DPYD: variants seen among roughly 807,000 people sequenced by gnomAD.
DPYD encodes dihydropyrimidine dehydrogenase.
Under a neutral mutation model 116.2 loss-of-function variants are expected in DPYD, and 109 were observed. That is an observed-to-expected ratio of 0.94 (90% CI 0.80 to 1.10). The LOEUF (loss-of-function observed/expected upper bound fraction) is 1.10. Ranked by LOEUF, DPYD falls within the 50% of genes least tolerant of loss-of-function variation. The pLI, the probability that DPYD is intolerant of heterozygous loss-of-function variation, is 0.00. For missense variants in DPYD, 1,302 were observed against 1,254.5 expected (o/e 1.04, Z -0.57); for synonymous variants, 440 against 432.0 (o/e 1.02, Z -0.23).
At chr1:97,698,299 T>C (rs769105393) in intron 6 of DPYD, among the ~76,000 whole-genome samples, 2 of 151,912 alleles carry the variant, frequency 1.3e-5, no homozygotes, top group African/African-American at 2.4e-5. Flanking sequence ...ACATCAATAT[T>C]TATGTTAATA....
At chr1:97,773,418 T>C (rs1666240628) in intron 3 of DPYD, among the ~76,000 whole-genome samples, 1 of 152,116 alleles carries the variant, frequency 6.6e-6, no homozygotes, top group Non-Finnish European at 1.5e-5. Flanking sequence ...GAGAAGGGCA[T>C]TGTCCCCGGT....
chr1:97,620,392 A>G (rs2100769288), intron 8 of DPYD, among the ~76,000 whole-genome samples: 1 of 151,998 alleles, frequency 6.6e-6, no homozygotes, highest in South Asian at 2.1e-4. Context: ...ATATTTATTT[A>G]TTTGTAGAGA....
rs998097373 is a variant in DPYD at position 97,549,801 on chromosome 1, C to T, written c.1340-57G>A. The T allele has an allele frequency of 1.5e-5, 22 of 1,446,858 alleles. No homozygotes were observed. The East Asian group carries it at 2.6e-4, about 17-fold the overall frequency. 89.6% of individuals were successfully genotyped at this position (1,446,858 alleles called of 1,614,324 possible). A position where few individuals can be genotyped will look rare whatever the true frequency, so the allele number is the denominator to read the frequency against. ...CACTAGTCAACAGACAATTCCATAA[C>T]AATAATTTTAAAATTAAGAAAAATT... is the stretch of plus-strand genomic sequence containing the variant. On this transcript the variant is annotated intron_variant, in intron 11 of 22. Transcript: ENST00000370192.
intron 12 of DPYD, among the ~76,000 whole-genome samples, chr1:97,541,532 C>T (rs1368235331): frequency 2.0e-5 from 3 of 151,798 alleles, no homozygotes; most frequent in Non-Finnish European, 2.9e-5. Flanking sequence ...ACACATCTGG[C>T]TATTTTATTT....
intron 3 of DPYD, among the ~76,000 whole-genome samples, chr1:97,785,352 T>C (rs1411960617): frequency 6.6e-6 from 1 of 152,198 alleles, no homozygotes; most frequent in Non-Finnish European, 1.5e-5. Context: ...CTTCTATCTG[T>C]GTGTTCTTCA....
intron 2 of DPYD, among the ~76,000 whole-genome samples, chr1:97,851,473 C>T (rs946525228): frequency 6.6e-5 from 10 of 151,768 alleles, no homozygotes; most frequent in African/African-American, 2.4e-4. Context: ...AAAGGTAAAA[C>T]ACATGAATGG....
chr1:97,809,704 G>A (rs1372456844), intron 3 of DPYD, among the ~76,000 whole-genome samples: 1 of 152,156 alleles, frequency 6.6e-6, no homozygotes, highest in Non-Finnish European at 1.5e-5. Context: ...ACAGAATTAA[G>A]TGTCTGAGGT....
chr1:97,187,554 C>T (rs1169089694), intron 20 of DPYD, among the ~76,000 whole-genome samples: 1 of 151,978 alleles, frequency 6.6e-6, no homozygotes, highest in Non-Finnish European at 1.5e-5. Context: ...ATTTCATTTG[C>T]TGTGCAGAAG....
At chr1:97,785,981 C>A (rs1666997010) in intron 3 of DPYD, among the ~76,000 whole-genome samples, 1 of 151,064 alleles carries the variant, frequency 6.6e-6, no homozygotes, top group African/African-American at 2.4e-5. Flanking sequence ...GCTTGAGCCA[C>A]CACGTCCGGC....
intron 2 of DPYD, among the ~76,000 whole-genome samples, chr1:97,838,801 C>A (rs1423622740): frequency 2.6e-5 from 4 of 151,928 alleles, no homozygotes; most frequent in Non-Finnish European, 4.4e-5. Flanking sequence ...GCCGAGATTG[C>A]GCCACTGCAG....
At chr1:97,282,637 T>C (rs1316070315) in intron 18 of DPYD, among the ~76,000 whole-genome samples, 1 of 152,108 alleles carries the variant, frequency 6.6e-6, no homozygotes, top group East Asian at 1.9e-4. Flanking sequence ...CATGTATAAA[T>C]TGCATGTTGC....
chr1:97,731,068 C>T (rs1211429036), intron 4 of DPYD, among the ~76,000 whole-genome samples: 1 of 151,916 alleles, frequency 6.6e-6, no homozygotes, highest in Non-Finnish European at 1.5e-5. Context: ...ATATAAAATG[C>T]TGAAAACTTT....
intron 14 of DPYD, among the ~76,000 whole-genome samples, chr1:97,430,354 A>T (rs1276753993): frequency 6.6e-6 from 1 of 152,206 alleles, no homozygotes; most frequent in African/African-American, 2.4e-5. Flanking sequence ...GGTTTCTCAG[A>T]TTCCGCCTAA....
chr1:97,429,615 C>T (rs1675061620), intron 14 of DPYD, among the ~76,000 whole-genome samples: 1 of 151,916 alleles, frequency 6.6e-6, no homozygotes, highest in Middle Eastern at 3.2e-3. Context: ...TGATTAGTTT[C>T]CACATTTGTA....
intron 12 of DPYD, among the ~76,000 whole-genome samples, chr1:97,532,988 C>A (rs1649745320): frequency 1.3e-5 from 2 of 149,106 alleles, no homozygotes; most frequent in Admixed American, 1.3e-4. Flanking sequence ...TATTTCAGAT[C>A]TTCTTTCTTT....
intron 16 of DPYD, among the ~76,000 whole-genome samples, chr1:97,308,759 C>A (rs375815108): frequency 1.1e-4 from 17 of 151,808 alleles, no homozygotes; most frequent in African/African-American, 3.9e-4. Context: ...CCTTTTGTAA[C>A]AAGCCAGTTT....
intron 3 of DPYD, among the ~76,000 whole-genome samples, chr1:97,827,417 A>T (rs1159569583): frequency 6.6e-6 from 1 of 152,104 alleles, no homozygotes; most frequent in Non-Finnish European, 1.5e-5. Flanking sequence ...TCTGTGGATG[A>T]TGAGTTTTAT....
intron 12 of DPYD, among the ~76,000 whole-genome samples, chr1:97,522,437 T>G (rs868518338): frequency 4.6e-5 from 7 of 152,096 alleles, no homozygotes; most frequent in African/African-American, 1.7e-4. Flanking sequence ...AAAATATGCA[T>G]GTATGTCGGG....
At chr1:97,722,956 T>C (rs1663005539) in intron 4 of DPYD, among the ~76,000 whole-genome samples, 1 of 151,496 alleles carries the variant, frequency 6.6e-6, no homozygotes, top group Non-Finnish European at 1.5e-5. Flanking sequence ...AACTCCTAGG[T>C]AATCAAGAAA....
Sources: gnomAD v4.1 joint callset for allele counts (sites outside exome capture counted in the v4.1 genomes callset) on GRCh38, gnomAD v4.1.1 for gene constraint, MANE v1.5 for transcripts, NCBI Gene and HGNC (gene_info 2026-07-23, HGNC 2026-07-21) for gene names.